Variants in SLC9A9 observed in about 807,000 individuals in gnomAD.
The protein encoded by SLC9A9 is solute carrier family 9 member A9, also known as sodium/hydrogen exchanger 9.
Under a neutral mutation model 77.8 loss-of-function variants are expected in SLC9A9, and 62 were observed. The observed-to-expected ratio is 0.80, with a 90% confidence interval of 0.65 to 0.98. The LOEUF is 0.98. Ranked by LOEUF, SLC9A9 falls within the 50% of genes least tolerant of loss-of-function variation. The probability of loss-of-function intolerance (pLI) is 0.00; values close to 1 mark genes in which losing one functional copy is unlikely to be tolerated. For synonymous variants in SLC9A9, 320 were observed against 283.5 expected (o/e 1.13, Z -1.29); for missense variants, 775 against 774.9 (o/e 1.00, Z 0.00).
chr3:143,451,456 T>G (rs2035006144), intron 12 of SLC9A9, among the ~76,000 whole-genome samples: 1 of 152,164 alleles, frequency 6.6e-6, no homozygotes, highest in Non-Finnish European at 1.5e-5. Context: ...ACACAGTCAT[T>G]TTTTAAAACA....
At chr3:143,656,670 C>A (rs536954683) in intron 5 of SLC9A9, among the ~76,000 whole-genome samples, 49 of 152,296 alleles carry the variant, frequency 3.2e-4, no homozygotes, top group African/African-American at 1.1e-3. Context: ...CAACAACATA[C>A]AATAGTTCCT....
At chr3:143,743,215 ATGGATG>A (rs1284694765) in intron 4 of SLC9A9, among the ~76,000 whole-genome samples, 5 of 108,274 alleles carry the variant, frequency 4.6e-5, no homozygotes, top group African/African-American at 1.9e-4. Context: ...AGATGGATGG[ATGGATG>A]GATGGATGGA....
chr3:143,608,071 A>T (rs2108694578), intron 6 of SLC9A9, among the ~76,000 whole-genome samples: 1 of 152,338 alleles, frequency 6.6e-6, no homozygotes, highest in Non-Finnish European at 1.5e-5. Context: ...AACAGTTAAC[A>T]TGAATGAATT....
At chr3:143,344,148 C>T (rs376627073) in intron 14 of SLC9A9, among the ~76,000 whole-genome samples, 131 of 152,246 alleles carry the variant, frequency 8.6e-4, no homozygotes, top group African/African-American at 3.0e-3. Flanking sequence ...TCATTATTAA[C>T]TGACAAAGGT....
chr3:143,398,486 T>G (rs141113926), intron 12 of SLC9A9, among the ~76,000 whole-genome samples: 1 of 152,288 alleles, frequency 6.6e-6, no homozygotes, highest in Non-Finnish European at 1.5e-5. Context: ...GAATCTACAC[T>G]AGGTAATATT....
intron 4 of SLC9A9, among the ~76,000 whole-genome samples, chr3:143,719,250 T>C (rs1187694130): frequency 1.3e-5 from 2 of 152,208 alleles, no homozygotes; most frequent in Non-Finnish European, 2.9e-5. Context: ...GGGGTAGGGC[T>C]TGCAGCTTCC....
chr3:143,377,436 G>A (rs1407201172), intron 13 of SLC9A9, among the ~76,000 whole-genome samples: 1 of 152,156 alleles, frequency 6.6e-6, no homozygotes, highest in Non-Finnish European at 1.5e-5. Context: ...CTGGCAGCAG[G>A]TCCCTCTGTC....
Position 143,578,703 on chromosome 3 carries a change from G to A in SLC9A9, c.776C>T (p.Pro259Leu). 1 of 1,614,020 alleles carries A rather than the reference G, an allele frequency of 6.2e-7. No individual in the cohort carries two copies. Among genetic ancestry groups the A allele is most frequent in the Non-Finnish European group, 8.5e-7 (1 of 1,179,928 alleles). Residue 259 changes from proline (P) to leucine (L), a missense_variant, in exon 7 of 16, where the codon CCC becomes CTC. Pro to Leu is a moderately conservative substitution (Grantham distance 98). Coordinates refer to ENST00000316549, the MANE Select transcript of SLC9A9 (RefSeq NM_173653.4). ...VLTYSISIYS[P>L]KENPNAFDAA... Reference sequence around the variant, plus strand: ...ATCAAATGCATTTGGATTCTCCTTGGGACTGTAAATGGATATAGAACTGAA... The same window carrying A: ...ATCAAATGCATTTGGATTCTCCTTGAGACTGTAAATGGATATAGAACTGAA...
chr3:143,436,271 A>T lies in SLC9A9; in HGVS notation c.1469+30766T>A, dbSNP rs1243351809. Among the ~76,000 whole-genome samples the T allele has an allele frequency of 3.9e-5, 6 of 152,004 alleles. No individual in the cohort carries two copies. The South Asian group carries it at 1.2e-3, about 32-fold the overall frequency. ...CTACTGCTGGCAGGGTCACCGCATG[A>T]CCTCCTTCTCACAGGCATGCCCCCT... On this transcript the variant is annotated intron_variant, in intron 12 of 15. Coordinates refer to ENST00000316549, the MANE Select transcript of SLC9A9 (RefSeq NM_173653.4).
At chr3:143,324,203 C>G (rs1451963993) in intron 14 of SLC9A9, among the ~76,000 whole-genome samples, 4 of 151,384 alleles carry the variant, frequency 2.6e-5, no homozygotes, top group African/African-American at 9.8e-5. Flanking sequence ...TGAACAAGAG[C>G]CACTGAATTA....
chr3:143,547,817 T>TAA (rs1425745669), intron 9 of SLC9A9, among the ~76,000 whole-genome samples: 13 of 152,254 alleles, frequency 8.5e-5, no homozygotes, highest in Admixed American at 4.6e-4. Flanking sequence ...TCTTCCCTGC[T>TAA]TTATTATTGG....
In SLC9A9 at chr3:143,678,473, G is replaced by A. The variant is rs139751934; in HGVS notation, c.649+14719C>T. On this transcript the variant is annotated intron_variant, in intron 5 of 15. Transcript: ENST00000316549. Reference sequence around the variant, plus strand: ...TTCTTCTAAATATATTTTTGTAAATGGTTATATGTGTTCAATTTTATAATC... The same window carrying A: ...TTCTTCTAAATATATTTTTGTAAATAGTTATATGTGTTCAATTTTATAATC... 1.5e-4 allele frequency among the ~76,000 whole-genome samples: 23 copies of A among 152,082 alleles called. No individual in the cohort carries two copies. The East Asian group carries it at 4.4e-3, about 29-fold the overall frequency.
chr3:143,623,099 C>T (rs1027862073), intron 6 of SLC9A9, among the ~76,000 whole-genome samples: 4 of 152,130 alleles, frequency 2.6e-5, no homozygotes, highest in Admixed American at 2.6e-4. Flanking sequence ...TATAGGAGCA[C>T]CCAGATTCAT....
intron 6 of SLC9A9, among the ~76,000 whole-genome samples, chr3:143,626,389 G>C (rs935776314): frequency 2.0e-5 from 3 of 152,146 alleles, no homozygotes; most frequent in African/African-American, 7.2e-5. Flanking sequence ...ATGATAGACT[G>C]GATTAAGAAA....
At chr3:143,729,227 T>A (rs566692976) in intron 4 of SLC9A9, among the ~76,000 whole-genome samples, 1 of 152,288 alleles carries the variant, frequency 6.6e-6, no homozygotes, top group Non-Finnish European at 1.5e-5. Flanking sequence ...CCCATTGAGC[T>A]TCCAAATTCT....
Position 143,494,602 on chromosome 3 carries a change from T to G in SLC9A9, c.1203+733A>C, listed in dbSNP as rs141539338. On this transcript the variant is annotated intron_variant, in intron 10 of 15. Coordinates refer to ENST00000316549, the MANE Select transcript of SLC9A9 (RefSeq NM_173653.4). The stretch of plus-strand genomic sequence containing the variant: ...ATTATCTGTGATCCAAGGTGGCATC[T>G]GCCCATCTTCCAAGTGGGAAGAAGG... 8.1e-3 allele frequency among the ~76,000 whole-genome samples: 1,234 copies of G among 152,354 alleles called. 23 individuals are homozygous for G. Among genetic ancestry groups the G allele is most frequent in the African/African-American group, 0.028 (1,185 of 41,582 alleles).
chr3:143,702,286 T>C (rs1933825334), intron 4 of SLC9A9, among the ~76,000 whole-genome samples: 1 of 152,134 alleles, frequency 6.6e-6, no homozygotes, highest in African/African-American at 2.4e-5. Context: ...ACTGTGTCTG[T>C]GGAATATAAA....
chr3:143,482,622 A>C (rs1220425278), intron 11 of SLC9A9, among the ~76,000 whole-genome samples: 2 of 152,188 alleles, frequency 1.3e-5, no homozygotes, highest in African/African-American at 4.8e-5. Flanking sequence ...CCCAAGTCAC[A>C]GTGGTTTCAG....
intron 14 of SLC9A9, among the ~76,000 whole-genome samples, chr3:143,306,070 A>G (rs2030767590): frequency 6.6e-6 from 1 of 151,986 alleles, no homozygotes; most frequent in African/African-American, 2.4e-5. Flanking sequence ...TAAAAAAAAA[A>G]CCCTCTAAAA....
Sources: gnomAD v4.1 joint callset for allele counts (sites outside exome capture counted in the v4.1 genomes callset) on GRCh38, gnomAD v4.1.1 for gene constraint, MANE v1.5 for transcripts, NCBI Gene and HGNC (gene_info 2026-07-23, HGNC 2026-07-21) for gene names.